The following ADAM32 variants were observed in gnomAD, a reference collection of about 807,000 sequenced individuals.
ADAM32 encodes disintegrin and metalloproteinase domain-containing protein 32.
In ADAM32, 89 loss-of-function variants were observed where a neutral mutation model predicts 114.9. The observed-to-expected ratio is 0.77, with a 90% CI of 0.65 to 0.92. ADAM32 has a LOEUF of 0.92. ADAM32 is among the 40% of genes least tolerant of loss of function. ADAM32 has a pLI of 0.00. For synonymous variants in ADAM32, 285 were observed against 307.5 expected, an observed-to-expected ratio of 0.93 and a Z score of 0.77; for missense variants, 870 against 932.8, an observed-to-expected ratio of 0.93 and a Z score of 0.88.
At chr8:39,195,114 C>A (rs7016877) in intron 11 of ADAM32, among the ~76,000 whole-genome samples, 2 of 152,112 alleles carry the variant, frequency 1.3e-5, no homozygotes, top group South Asian at 4.2e-4. Context: ...GCTTCCTCCC[C>A]CTTCAGCCCA....
At position 39,221,641 on chromosome 8, in the gene ADAM32, G is replaced by A. The variant is rs141457355; in HGVS notation, c.1265G>A (p.Arg422Gln). 228 of 1,611,948 alleles carry A rather than the reference G, an allele frequency of 1.4e-4. No individual in the cohort carries two copies. In the African/African-American group the frequency reaches 2.3e-3, roughly 16 times the overall value. Residue 422 changes from arginine (R) to glutamine (Q), a missense_variant, in exon 13 of 25, where the codon CGA becomes CAA. Coordinates refer to ENST00000379907, the MANE Select transcript of ADAM32 (RefSeq NM_145004.7). ...GGACCTGCAAGCTGTTGTGATTTTC[G>A]AACTTGTGTACTGAAAGACGGAGCA... ...QCGPASCCDF[R>Q]TCVLKDGAKC...
chr8:39,259,160 T>G (rs1195379154), intron 19 of ADAM32, among the ~76,000 whole-genome samples: 1 of 147,974 alleles, frequency 6.8e-6, no homozygotes, highest in African/African-American at 2.5e-5. Flanking sequence ...ATGTTTTTTG[T>G]TTTTTTTTTC....
chr8:39,182,677 G>A (rs956328906), intron 10 of ADAM32, among the ~76,000 whole-genome samples: 1 of 152,160 alleles, frequency 6.6e-6, no homozygotes, highest in Non-Finnish European at 1.5e-5. Flanking sequence ...CCCAGAAGAG[G>A]ATTATTTTGA....
intron 1 of ADAM32, among the ~76,000 whole-genome samples, chr8:39,113,120 A>G (rs984072300): frequency 3.3e-5 from 5 of 152,144 alleles, no homozygotes; most frequent in African/African-American, 9.7e-5. Context: ...TGCTCTCTTG[A>G]AGCACTGTCT....
intron 6 of ADAM32, among the ~76,000 whole-genome samples, chr8:39,154,033 C>CATATATATATATATATATATATATATAT (rs59934573): frequency 1.1e-4 from 16 of 139,440 alleles, no homozygotes; most frequent in African/African-American, 3.9e-4. Flanking sequence ...GAAAGTTCCT[C>CATATATATATATATATATATATATATAT]ATATATATAT....
intron 19 of ADAM32, among the ~76,000 whole-genome samples, chr8:39,263,347 C>T (rs1419253942): frequency 6.6e-6 from 1 of 152,098 alleles, no homozygotes; most frequent in Non-Finnish European, 1.5e-5. Flanking sequence ...TATACTTAAA[C>T]TTTATTTTTC....
At chr8:39,188,592 A>G (rs1446796833) in intron 11 of ADAM32, among the ~76,000 whole-genome samples, 4 of 152,128 alleles carry the variant, frequency 2.6e-5, no homozygotes, top group Non-Finnish European at 4.4e-5. Flanking sequence ...AGCACTTTAC[A>G]TATATTAACT....
intron 2 of ADAM32, among the ~76,000 whole-genome samples, chr8:39,134,017 A>G (rs1473175662): frequency 1.3e-5 from 2 of 152,016 alleles, no homozygotes; most frequent in Admixed American, 1.3e-4. Flanking sequence ...AGCCTTCCCA[A>G]TGTGCTACAT....
chr8:39,269,987 G>T (rs1381360912), intron 19 of ADAM32, among the ~76,000 whole-genome samples: 1 of 152,120 alleles, frequency 6.6e-6, no homozygotes, highest in East Asian at 1.9e-4. Flanking sequence ...GAGCGGAGGG[G>T]CAAGAACCTC....
intron 9 of ADAM32, chr8:39,168,408 G>C (rs774610620): frequency 3.3e-5 from 5 of 152,152 alleles, no homozygotes; most frequent in Admixed American, 1.3e-4. Context: ...CGGCACCAGG[G>C]AGTGACTGCC....
At chr8:39,253,991 G>A (rs1322605993) in intron 17 of ADAM32, among the ~76,000 whole-genome samples, 1 of 151,444 alleles carries the variant, frequency 6.6e-6, no homozygotes, top group East Asian at 1.9e-4. Flanking sequence ...ACAGTACAAA[G>A]GTACAGTAAC....
At chr8:39,120,206 A>G (rs1463321466) in intron 2 of ADAM32, among the ~76,000 whole-genome samples, 1 of 152,112 alleles carries the variant, frequency 6.6e-6, no homozygotes, top group African/African-American at 2.4e-5. Context: ...GGTATTGTGA[A>G]GTGGGGTGCT....
At chr8:39,115,588 G>GTT (rs546825917) in intron 1 of ADAM32, among the ~76,000 whole-genome samples, 2 of 142,022 alleles carry the variant, frequency 1.4e-5, no homozygotes, top group Non-Finnish European at 3.1e-5. Flanking sequence ...TTTTTAATGG[G>GTT]TTTTTTTTTT....
chr8:39,260,496 T>A (rs1175197857), intron 19 of ADAM32, among the ~76,000 whole-genome samples: 4 of 152,176 alleles, frequency 2.6e-5, no homozygotes, highest in Non-Finnish European at 5.9e-5. Flanking sequence ...TGAGGTATAT[T>A]TCTTCTATGA....
intron 3 of ADAM32, among the ~76,000 whole-genome samples, chr8:39,141,321 G>A (rs553712001): frequency 6.6e-6 from 1 of 152,078 alleles, no homozygotes; most frequent in African/African-American, 2.4e-5. Context: ...TCTTTTGTGG[G>A]CATTTAGTGC....
chr8:39,170,431 G>A (rs555978134), intron 10 of ADAM32, among the ~76,000 whole-genome samples: 1 of 151,980 alleles, frequency 6.6e-6, no homozygotes, highest in Admixed American at 6.6e-5. Flanking sequence ...ACTTTTATGT[G>A]TATTTTAAGC....
At chr8:39,117,437 C>T (rs1840424035) in intron 1 of ADAM32, among the ~76,000 whole-genome samples, 1 of 151,796 alleles carries the variant, frequency 6.6e-6, no homozygotes, top group Admixed American at 6.6e-5. Flanking sequence ...GTGGTAGACA[C>T]ATGTGAACTT....
intron 3 of ADAM32, among the ~76,000 whole-genome samples, chr8:39,137,009 A>G (rs1180854291): frequency 1.3e-5 from 2 of 152,196 alleles, no homozygotes; most frequent in African/African-American, 4.8e-5. Flanking sequence ...TGTCACAAAA[A>G]TAAGTAAATC....
intron 18 of ADAM32, among the ~76,000 whole-genome samples, chr8:39,255,034 T>A (rs1031897131): frequency 2.6e-5 from 4 of 152,054 alleles, no homozygotes; most frequent in Non-Finnish European, 5.9e-5. Flanking sequence ...TCCAGGTTGC[T>A]GCGAATGCTA....
Sources: gnomAD v4.1 joint callset for allele counts (sites outside exome capture counted in the v4.1 genomes callset) on GRCh38, gnomAD v4.1.1 for gene constraint, MANE v1.5 for transcripts, NCBI Gene and HGNC (gene_info 2026-07-23, HGNC 2026-07-21) for gene names.